The following SHISA9 variants were observed in gnomAD, a reference collection of about 807,000 sequenced individuals.
SHISA9 encodes the protein shisa family member 9.
SHISA9 carries 13 observed loss-of-function variants against 38.0 expected under a neutral mutation model. The observed-to-expected ratio is 0.34, with a 90% CI of 0.22 to 0.54. The LOEUF (loss-of-function observed/expected upper bound fraction) is 0.54, where lower values mean the gene tolerates loss of function less well. SHISA9 is among the 20% of genes least tolerant of loss of function. SHISA9 has a pLI of 0.91. For missense variants in SHISA9, 538 were observed against 575.8 expected (o/e 0.93, Z 0.67); for synonymous variants, 275 against 242.0 (o/e 1.14, Z -1.27).
At chr16:13,463,615 TA>T in the SHISA9 span, among the ~76,000 whole-genome samples, 1 of 152,216 alleles carries the variant, frequency 6.6e-6, no homozygotes, top group African/African-American at 2.4e-5. Context: ...AAGTCATGAA[TA>T]GGTACAAACC....
intron 2 of SHISA9, among the ~76,000 whole-genome samples, chr16:13,057,158 C>G (rs774247919): frequency 1.3e-5 from 2 of 152,188 alleles, no homozygotes; most frequent in African/African-American, 2.4e-5. Context: ...GGGTTGTACC[C>G]AGGTGAGGCT....
the SHISA9 span, among the ~76,000 whole-genome samples, chr16:13,473,482 G>T: frequency 2.8e-4 from 42 of 148,796 alleles, no homozygotes; most frequent in Admixed American, 4.8e-4. Flanking sequence ...TTTGGAATTT[G>T]TGATTAAACA....
At chr16:13,211,556 T>C (rs1457362930) in intron 3 of SHISA9, among the ~76,000 whole-genome samples, 2 of 152,202 alleles carry the variant, frequency 1.3e-5, no homozygotes, top group Non-Finnish European at 2.9e-5. Flanking sequence ...ATACCTTAGG[T>C]CTACTTCCTC....
At chr16:13,030,954 G>A (rs2072983575) in intron 2 of SHISA9, among the ~76,000 whole-genome samples, 1 of 152,192 alleles carries the variant, frequency 6.6e-6, no homozygotes, top group Non-Finnish European at 1.5e-5. Flanking sequence ...CTGTTACTCA[G>A]TGTCAGATTA....
At chr16:13,188,937 C>A (rs760764947) in intron 2 of SHISA9, among the ~76,000 whole-genome samples, 54 of 152,056 alleles carry the variant, frequency 3.6e-4, no homozygotes, top group Non-Finnish European at 3.1e-4. Flanking sequence ...TATGACTGGT[C>A]TCCTTATAAC....
the SHISA9 span, among the ~76,000 whole-genome samples, chr16:13,390,265 C>G: frequency 6.6e-6 from 1 of 152,092 alleles, no homozygotes. Flanking sequence ...TCTTAAGTCA[C>G]GCCAGAACCA....
intron 2 of SHISA9, among the ~76,000 whole-genome samples, chr16:13,068,502 CA>C (rs1347599738): frequency 6.6e-6 from 1 of 152,232 alleles, no homozygotes; most frequent in African/African-American, 2.4e-5. Flanking sequence ...CTCTGCACAG[CA>C]GTTAGTCTAG....
At chr16:13,424,763 C>T in the SHISA9 span, among the ~76,000 whole-genome samples, 62 of 152,278 alleles carry the variant, frequency 4.1e-4, no homozygotes, top group Non-Finnish European at 6.5e-4. Flanking sequence ...GGCTATGTCT[C>T]GGTTAAAATT....
chr16:13,373,563 C>T, the SHISA9 span, among the ~76,000 whole-genome samples: 53 of 152,182 alleles, frequency 3.5e-4, no homozygotes, highest in Admixed American at 1.4e-3. Context: ...GAGATCGAGA[C>T]CATCCTGGCT....
intron 3 of SHISA9, among the ~76,000 whole-genome samples, chr16:13,211,708 A>C (rs1265372214): frequency 1.3e-5 from 2 of 152,214 alleles, no homozygotes; most frequent in African/African-American, 4.8e-5. Flanking sequence ...TATAAATGAA[A>C]ATTCATTATT....
At chr16:12,974,673 G>A (rs2072133167) in intron 2 of SHISA9, among the ~76,000 whole-genome samples, 3 of 151,674 alleles carry the variant, frequency 2.0e-5, no homozygotes, top group Admixed American at 1.3e-4. Context: ...TAGTAGAGCG[G>A]GGTTTTGCCA....
At chr16:13,410,288 C>A in the SHISA9 span, among the ~76,000 whole-genome samples, 10 of 152,152 alleles carry the variant, frequency 6.6e-5, no homozygotes, top group Non-Finnish European at 1.2e-4. Context: ...ATGAGGACAT[C>A]AAAGTGACAT....
intron 2 of SHISA9, among the ~76,000 whole-genome samples, chr16:13,116,058 G>C (rs952529270): frequency 1.3e-5 from 2 of 152,170 alleles, no homozygotes; most frequent in African/African-American, 4.8e-5. Context: ...TATATCTGTA[G>C]TGTTATCCAT....
intron 2 of SHISA9, among the ~76,000 whole-genome samples, chr16:13,152,599 C>T (rs2050509132): frequency 6.6e-6 from 1 of 152,146 alleles, no homozygotes; most frequent in Admixed American, 6.6e-5. Context: ...GGTCACTCAA[C>T]TCAAGATTCA....
chr16:13,317,409 G>A, the SHISA9 span, among the ~76,000 whole-genome samples: 20 of 152,286 alleles, frequency 1.3e-4, no homozygotes, highest in Admixed American at 9.2e-4. Context: ...AGGAAATTTA[G>A]GCAAAGAGTT....
In SHISA9 at chr16:13,234,359, C is replaced by T. The variant is rs140713044; in HGVS notation, c.896-671C>T. Among the ~76,000 whole-genome samples, 306 of 152,314 alleles carry T rather than the reference C, an allele frequency of 2.0e-3. 1 individual carries two copies. The highest frequency in any genetic ancestry group is 7.0e-3 in the African/African-American group (291 of 41,568). Reference sequence around the variant, plus strand: ...ACTTTACACAGATCATATCATTTAACTCTCCAAACAGACCTATGAAGTATA... The same window carrying T: ...ACTTTACACAGATCATATCATTTAATTCTCCAAACAGACCTATGAAGTATA... On this transcript the variant is annotated intron_variant, in intron 4 of 4. Transcript: ENST00000558583.
chr16:13,135,763 A>G (rs2141991098), intron 2 of SHISA9, among the ~76,000 whole-genome samples: 1 of 152,344 alleles, frequency 6.6e-6, no homozygotes, highest in African/African-American at 2.4e-5. Flanking sequence ...ACAGCAAGAT[A>G]GATGCAAGGG....
chr16:12,970,409 A>ATATATACATATATGTATATG (rs1567357087), intron 2 of SHISA9, among the ~76,000 whole-genome samples: 1 of 18,700 alleles, frequency 5.3e-5, no homozygotes, highest in Non-Finnish European at 9.4e-5. Context: ...ATATACATAT[A>ATATATACATATATGTATATG]TATATATACA....
chr16:12,989,787 TG>T (rs1170818531), intron 2 of SHISA9, among the ~76,000 whole-genome samples: 1 of 152,180 alleles, frequency 6.6e-6, no homozygotes, highest in African/African-American at 2.4e-5. Flanking sequence ...CTTCGACTTT[TG>T]CTTTATGTTC....
Sources: gnomAD v4.1 joint callset for allele counts (sites outside exome capture counted in the v4.1 genomes callset) on GRCh38, gnomAD v4.1.1 for gene constraint, MANE v1.5 for transcripts, NCBI Gene and HGNC (gene_info 2026-07-23, HGNC 2026-07-21) for gene names.